Variants in TRPC4 observed in about 807,000 individuals in gnomAD.
TRPC4 encodes transient receptor potential cation channel subfamily C member 4.
TRPC4 carries 49 observed loss-of-function variants against 99.4 expected under a neutral mutation model. The ratio of observed to expected loss-of-function variants is 0.49; its 90% CI spans 0.39 to 0.63. The LOEUF is 0.63. TRPC4 is among the 20% of genes least tolerant of loss of function. TRPC4 has a pLI of 0.00. For missense variants in TRPC4, 898 were observed against 1,152.9 expected (o/e 0.78, Z 3.20); for synonymous variants, 454 against 425.9 (o/e 1.07, Z -0.81).
At chr13:37,646,712 C>A (rs1033063375) in intron 8 of TRPC4, among the ~76,000 whole-genome samples, 3 of 152,112 alleles carry the variant, frequency 2.0e-5, no homozygotes, top group Non-Finnish European at 4.4e-5. Context: ...TTCTTGTATG[C>A]TAAAATATTT....
chr13:37,825,063 G>A (rs531301512), intron 1 of TRPC4, among the ~76,000 whole-genome samples: 21 of 151,142 alleles, frequency 1.4e-4, no homozygotes, highest in East Asian at 2.0e-4. Context: ...TTTGCATAGA[G>A]GTGTTTGTAG....
At chr13:37,826,959 G>T (rs1958242524) in intron 1 of TRPC4, among the ~76,000 whole-genome samples, 2 of 152,024 alleles carry the variant, frequency 1.3e-5, no homozygotes, top group Admixed American at 1.3e-4. Flanking sequence ...TTTCTTGGAG[G>T]CTTTGCTTGT....
chr13:37,763,117 G>A lies in TRPC4; in HGVS notation c.379-16662C>T, dbSNP rs191697425. On this transcript the variant is annotated intron_variant, in intron 2 of 10. Transcript: ENST00000379705. ...TAAAAAAAACCTATATAATATATAC[G>A]TATATATATTACACTGAAGGGGAAT... is the stretch of plus-strand genomic sequence containing the variant. Among the ~76,000 whole-genome samples the A allele has an allele frequency of 2.8e-3, 427 of 151,344 alleles. 2 individuals carry two copies. The highest frequency in any genetic ancestry group is 9.9e-3 in the African/African-American group (410 of 41,330).
chr13:37,664,723 C>T (rs762159650), intron 5 of TRPC4, among the ~76,000 whole-genome samples: 1 of 152,100 alleles, frequency 6.6e-6, no homozygotes, highest in Non-Finnish European at 1.5e-5. Context: ...AGATGTTTTT[C>T]CAATGAAAAG....
intron 1 of TRPC4, among the ~76,000 whole-genome samples, chr13:37,796,965 A>ATAAT: frequency 6.8e-6 from 1 of 146,752 alleles, no homozygotes; most frequent in Non-Finnish European, 1.5e-5. Flanking sequence ...AAAATAAAAT[A>ATAAT]AAATAAAGTA....
At chr13:37,853,044 C>T (rs188815399) in intron 1 of TRPC4, among the ~76,000 whole-genome samples, 9 of 151,952 alleles carry the variant, frequency 5.9e-5, no homozygotes, top group African/African-American at 1.4e-4. Context: ...AATCTCACTG[C>T]CCTGGGGAAA....
intron 3 of TRPC4, among the ~76,000 whole-genome samples, chr13:37,713,143 C>T (rs1199943615): frequency 1.3e-5 from 2 of 152,156 alleles, no homozygotes; most frequent in African/African-American, 2.4e-5. Flanking sequence ...AAACTAGCAG[C>T]AGAAGCAGAG....
intron 1 of TRPC4, among the ~76,000 whole-genome samples, chr13:37,837,242 C>A (rs1277230174): frequency 6.6e-6 from 1 of 152,236 alleles, no homozygotes; most frequent in Non-Finnish European, 1.5e-5. Context: ...GTGAGATCCC[C>A]CACACAGAGT....
intron 1 of TRPC4, among the ~76,000 whole-genome samples, chr13:37,832,153 A>T (rs1958439220): frequency 1.3e-5 from 2 of 152,218 alleles, no homozygotes; most frequent in Non-Finnish European, 2.9e-5. Flanking sequence ...CCCCACAAAT[A>T]TATGCAATCA....
intron 1 of TRPC4, among the ~76,000 whole-genome samples, chr13:37,790,730 G>A (rs141910958): frequency 5.1e-4 from 78 of 152,238 alleles, no homozygotes; most frequent in Middle Eastern, 3.4e-3. Context: ...GCACAGGCCA[G>A]AAAACTCGGT....
In TRPC4 at chr13:37,685,766, T is replaced by C. The variant is rs562050614; in HGVS notation, c.1234+6233A>G. 3.6e-4 allele frequency among the ~76,000 whole-genome samples: 55 copies of C among 152,272 alleles called. No homozygotes were observed. In the South Asian group the frequency reaches 0.01, roughly 29 times the overall value. On this transcript the variant is annotated intron_variant, in intron 4 of 10. Coordinates refer to ENST00000379705, the MANE Select transcript of TRPC4 (RefSeq NM_016179.4). Reference sequence around the variant, plus strand: ...GTATCAAATTTATATTGCACTGTCATGGCCTAAAAAGAGTTCATTTCCCTC... The same window carrying C: ...GTATCAAATTTATATTGCACTGTCACGGCCTAAAAAGAGTTCATTTCCCTC...
At chr13:37,722,942 G>A (rs1414601243) in intron 3 of TRPC4, among the ~76,000 whole-genome samples, 1 of 152,116 alleles carries the variant, frequency 6.6e-6, no homozygotes, top group Non-Finnish European at 1.5e-5. Context: ...TAAGCACAAG[G>A]TAATATAGGT....
intron 3 of TRPC4, among the ~76,000 whole-genome samples, chr13:37,734,048 C>T (rs1955321492): frequency 6.6e-6 from 1 of 152,008 alleles, no homozygotes; most frequent in Non-Finnish European, 1.5e-5. Context: ...GGGTAGAGGC[C>T]ACGGGTTTGG....
chr13:37,778,728 G>A (rs938513112), intron 2 of TRPC4, among the ~76,000 whole-genome samples: 1 of 151,854 alleles, frequency 6.6e-6, no homozygotes. Context: ...TTTCCAAAGT[G>A]GGAATACATA....
chr13:37,819,080 G>T (rs576827297), intron 1 of TRPC4, among the ~76,000 whole-genome samples: 1 of 152,136 alleles, frequency 6.6e-6, no homozygotes, highest in African/African-American at 2.4e-5. Context: ...ATGAAAAAAA[G>T]CTTAATATCA....
rs545064348 is a variant in TRPC4, at chr13:37,825,224, C to T, written c.-27-41864G>A. Among the ~76,000 whole-genome samples, 141 of 152,154 alleles carry T rather than the reference C, an allele frequency of 9.3e-4. 2 individuals carry two copies. Among genetic ancestry groups the T allele is most frequent in the Admixed American group, 7.9e-3 (121 of 15,272 alleles). On this transcript the variant is annotated intron_variant, in intron 1 of 10. Transcript: ENST00000379705. ...TTTGTTGATCCTTTCAAAAAACCAG[C>T]TCCTGGATTCATTAATTTTTTGAAG...
At chr13:37,659,067 T>G (rs1952343916) in intron 6 of TRPC4, among the ~76,000 whole-genome samples, 1 of 152,168 alleles carries the variant, frequency 6.6e-6, no homozygotes, top group Non-Finnish European at 1.5e-5. Flanking sequence ...AATGGGGGAT[T>G]GAAAGATGAG....
At chr13:37,815,666 T>C (rs1483701488) in intron 1 of TRPC4, among the ~76,000 whole-genome samples, 1 of 151,958 alleles carries the variant, frequency 6.6e-6, no homozygotes, top group Non-Finnish European at 1.5e-5. Context: ...GCAATAAAAG[T>C]GGAAGACTTC....
intron 1 of TRPC4, among the ~76,000 whole-genome samples, chr13:37,826,125 G>A (rs1029193474): frequency 8.1e-6 from 1 of 123,190 alleles, no homozygotes; most frequent in Non-Finnish European, 1.7e-5. Flanking sequence ...CCGTTTGCTT[G>A]GTAGATCTTC....
Sources: gnomAD v4.1 joint callset for allele counts (sites outside exome capture counted in the v4.1 genomes callset) on GRCh38, gnomAD v4.1.1 for gene constraint, MANE v1.5 for transcripts, NCBI Gene and HGNC (gene_info 2026-07-23, HGNC 2026-07-21) for gene names.